Variants in NMNAT2 observed in about 807,000 individuals in gnomAD.
NMNAT2 encodes the protein nicotinamide/nicotinic acid mononucleotide adenylyltransferase 2.
Under a neutral mutation model 41.6 loss-of-function variants are expected in NMNAT2, and 11 were observed. That is an observed-to-expected ratio of 0.26 (90% CI 0.17 to 0.44). NMNAT2 has a LOEUF of 0.44. Ranked by LOEUF, NMNAT2 falls within the 20% of genes least tolerant of loss-of-function variation. The pLI is 1.00. For synonymous variants in NMNAT2, 148 were observed against 151.2 expected (o/e 0.98, Z 0.16); for missense variants, 288 against 407.7 (o/e 0.71, Z 2.53).
intron 1 of NMNAT2, among the ~76,000 whole-genome samples, chr1:183,299,828 TGATAA>T (rs1661802215): frequency 6.6e-6 from 1 of 152,208 alleles, no homozygotes; most frequent in South Asian, 2.1e-4. Context: ...TCTACCCTTT[TGATAA>T]GATAACATAT....
intron 1 of NMNAT2, among the ~76,000 whole-genome samples, chr1:183,299,348 C>T (rs147885904): frequency 0.097 from 14,646 of 151,428 alleles, 735 homozygotes; most frequent in East Asian, 0.13. Flanking sequence ...TGCACTCCAG[C>T]CTGGGTGACA....
intron 1 of NMNAT2, among the ~76,000 whole-genome samples, chr1:183,315,527 A>T (rs1004533765): frequency 6.6e-6 from 1 of 152,104 alleles, no homozygotes; most frequent in African/African-American, 2.4e-5. Flanking sequence ...CTACTTTTAA[A>T]ATATGAGTAG....
intron 7 of NMNAT2, 126 bp downstream of exon 7, chr1:183,283,869 C>G (rs1160227496): frequency 1.1e-6 from 1 of 876,608 alleles, no homozygotes; most frequent in Non-Finnish European, 1.9e-6. Flanking sequence ...GATCCCTCTT[C>G]CGAGAGGAGA....
rs1428584382 is a variant in NMNAT2, at chr1:183,370,223, T to TGCAC, written c.85+47959_85+47960insGTGC. 2.5e-3 allele frequency among the ~76,000 whole-genome samples: 285 copies of TGCAC among 112,824 alleles called. 2 individuals are homozygous for TGCAC. The highest frequency in any genetic ancestry group is 0.018 in the Admixed American group (198 of 10,942). The allele number at this position is 112,824 out of a possible 152,430, so 74.0% of individuals were successfully genotyped here. ...ACTTCCTACCACTACTATCAACACA[T>TGCAC]ACACACACACACACACACACACACA... On this transcript the variant is annotated intron_variant, in intron 1 of 10. Transcript: ENST00000287713.
chr1:183,291,425 A>G (rs1661537990), intron 3 of NMNAT2, among the ~76,000 whole-genome samples: 1 of 152,154 alleles, frequency 6.6e-6, no homozygotes, highest in African/African-American at 2.4e-5. Context: ...TGTGCCGGAA[A>G]CAAACACTTC....
chr1:183,304,637 T>G (rs781750817), intron 1 of NMNAT2: 2 of 1,601,612 alleles, frequency 1.2e-6, no homozygotes, highest in South Asian at 2.2e-5. Context: ...TGCCCCGCCC[T>G]CATGCCATGT....
intron 1 of NMNAT2, among the ~76,000 whole-genome samples, chr1:183,365,034 T>C (rs1354769711): frequency 1.3e-5 from 2 of 152,102 alleles, no homozygotes; most frequent in Non-Finnish European, 2.9e-5. Flanking sequence ...AGGCCTCCAT[T>C]TGCTCATATT....
chr1:183,417,457 G>T (rs1557905348), intron 1 of NMNAT2, among the ~76,000 whole-genome samples: 1 of 152,024 alleles, frequency 6.6e-6, no homozygotes, highest in Non-Finnish European at 1.5e-5. Flanking sequence ...CTTGGGCCCC[G>T]ATCCTTCGGC....
chr1:183,250,164 T>G lies in NMNAT2; in HGVS notation c.*2477A>C, dbSNP rs1660337899. On this transcript the variant is annotated 3_prime_UTR_variant, in exon 11 of 11. Coordinates refer to ENST00000287713, the MANE Select transcript of NMNAT2 (RefSeq NM_015039.4). ...AGGAAATTCAGGCACCTGTTTTCCTTTGTTTCATTTCCTGGCTTATGACTG... is the reference window on the plus strand; with the variant it reads ...AGGAAATTCAGGCACCTGTTTTCCTGTGTTTCATTTCCTGGCTTATGACTG... 6.6e-6 allele frequency: 1 copy of G among 152,242 alleles called. No homozygotes were observed. Among genetic ancestry groups the G allele is most frequent in the South Asian group, 2.1e-4 (1 of 4,824 alleles). 9.4% of individuals were successfully genotyped at this position (152,242 alleles called of 1,614,324 possible).
intron 1 of NMNAT2, among the ~76,000 whole-genome samples, chr1:183,317,558 C>T (rs1025254440): frequency 2.6e-5 from 4 of 152,228 alleles, no homozygotes; most frequent in African/African-American, 9.6e-5. Context: ...AGGCATGAGC[C>T]ACCATGCCTG....
intron 1 of NMNAT2, among the ~76,000 whole-genome samples, chr1:183,325,611 C>T (rs1662445014): frequency 6.6e-6 from 1 of 152,212 alleles, no homozygotes; most frequent in Non-Finnish European, 1.5e-5. Context: ...TTAAATAAAA[C>T]TCCCTTTCAC....
chr1:183,356,128 T>G (rs939987864), intron 1 of NMNAT2, among the ~76,000 whole-genome samples: 1 of 152,184 alleles, frequency 6.6e-6, no homozygotes, highest in Admixed American at 6.5e-5. Context: ...CACAATCTCA[T>G]AGAATCCTCA....
chr1:183,340,391 T>C (rs1474373467), intron 1 of NMNAT2, among the ~76,000 whole-genome samples: 1 of 149,022 alleles, frequency 6.7e-6, no homozygotes, highest in African/African-American at 2.5e-5. Context: ...GGCGCAATCT[T>C]GGCTCACTGC....
intron 1 of NMNAT2, among the ~76,000 whole-genome samples, chr1:183,378,875 T>G (rs545215818): frequency 1.3e-5 from 2 of 152,098 alleles, no homozygotes; most frequent in South Asian, 4.2e-4. Flanking sequence ...AAACTCCATC[T>G]CTACTAAATA....
intron 1 of NMNAT2, among the ~76,000 whole-genome samples, chr1:183,376,227 TC>T (rs1274280935): frequency 6.6e-6 from 1 of 152,332 alleles, no homozygotes; most frequent in South Asian, 2.1e-4. Flanking sequence ...ATTATTAATC[TC>T]ATTAGTTGAG....
At chr1:183,341,708 G>A (rs150679874) in intron 1 of NMNAT2, among the ~76,000 whole-genome samples, 9 of 13,220 alleles carry the variant, frequency 6.8e-4, no homozygotes, top group Admixed American at 1.0e-3. Context: ...GAGAGGAAAA[G>A]ACAAACAAAC....
At chr1:183,385,477 C>T (rs1648203504) in intron 1 of NMNAT2, among the ~76,000 whole-genome samples, 1 of 152,152 alleles carries the variant, frequency 6.6e-6, no homozygotes, top group East Asian at 1.9e-4. Context: ...TGAGATAAAA[C>T]AAAACCAAAG....
chr1:183,392,513 C>T (rs1193171119), intron 1 of NMNAT2, among the ~76,000 whole-genome samples: 1 of 152,204 alleles, frequency 6.6e-6, no homozygotes, highest in Admixed American at 6.5e-5. Context: ...TCATGTAACA[C>T]TTTTCTTCAA....
rs561192631 is a variant in NMNAT2 at position 183,366,910 on chromosome 1, C to T, written c.85+51273G>A. On this transcript the variant is annotated intron_variant, in intron 1 of 10. Coordinates refer to ENST00000287713, the MANE Select transcript of NMNAT2 (RefSeq NM_015039.4). ...GCTTATCTGTCAACATCTTCTCAGA[C>T]ATCAGCTTCACTGGGGGTATCTTTA... 7.2e-5 allele frequency among the ~76,000 whole-genome samples: 11 copies of T among 152,302 alleles called. No homozygotes were observed. The East Asian group carries it at 2.1e-3, about 29-fold the overall frequency.
Sources: gnomAD v4.1 joint callset for allele counts (sites outside exome capture counted in the v4.1 genomes callset) on GRCh38, gnomAD v4.1.1 for gene constraint, MANE v1.5 for transcripts, NCBI Gene and HGNC (gene_info 2026-07-23, HGNC 2026-07-21) for gene names.